Variants in CCNH observed in about 807,000 individuals in gnomAD.
CCNH encodes the protein cyclin-H.
Under a neutral mutation model 41.9 loss-of-function variants are expected in CCNH, and 31 were observed. That is an observed-to-expected ratio of 0.74 (90% confidence interval 0.56 to 1.00). The LOEUF (loss-of-function observed/expected upper bound fraction) is 1.00. Among genes scored for constraint, CCNH ranks in the 50% least tolerant of loss-of-function variants. CCNH has a pLI of 0.00. For synonymous variants in CCNH, 138 were observed against 136.1 expected (o/e 1.01, Z -0.10); for missense variants, 362 against 388.4 (o/e 0.93, Z 0.57).
intron 9 of CCNH, among the ~76,000 whole-genome samples, chr5:87,367,996 T>C (rs1760652065): frequency 6.6e-6 from 1 of 152,092 alleles, no homozygotes; most frequent in African/African-American, 2.4e-5. Flanking sequence ...TATCCTTAGG[T>C]TTGTAGTGCT....
chr5:87,336,626 A>T (rs761723565), intron 9 of CCNH, among the ~76,000 whole-genome samples: 3 of 152,136 alleles, frequency 2.0e-5, no homozygotes, highest in Non-Finnish European at 4.4e-5. Context: ...TTTTTGCACC[A>T]TGAAAAGTTG....
rs1020185766 is a variant in CCNH, at chr5:87,331,649, TAG to T, written c.*91-12754_*91-12753del. ...CAGTCAAATGATTTAATCAGTGATT[TAG>T]AGAGATTCTTTTGAATGTTTACATT... On this transcript the variant is annotated intron_variant and NMD_transcript_variant, in intron 9 of 9. Coordinates refer to the CCNH transcript ENST00000645953. The T allele has an allele frequency of 4.2e-6, 4 of 944,904 alleles. No homozygotes were observed. The African/African-American group carries it at 6.7e-5, about 16-fold the overall frequency. 58.5% of individuals were successfully genotyped at this position (944,904 alleles called of 1,614,324 possible).
At chr5:87,361,398 A>G (rs893932737) in intron 9 of CCNH, among the ~76,000 whole-genome samples, 2 of 152,208 alleles carry the variant, frequency 1.3e-5, no homozygotes, top group Non-Finnish European at 2.9e-5. Context: ...AAACAGCATA[A>G]TGTTTCAAGA....
chr5:87,372,107 T>G (rs778350337), downstream of CCNH: 1 of 1,612,354 alleles, frequency 6.2e-7, no homozygotes, highest in Admixed American at 1.7e-5. Flanking sequence ...AAGTGCTGTT[T>G]TTCTTTGCAG....
chr5:87,379,617 TAC>T (rs1761565495), upstream of CCNH: 2 of 1,373,688 alleles, frequency 1.5e-6, no homozygotes, highest in Admixed American at 2.5e-5. Flanking sequence ...AAAAGATCAA[TAC>T]ACACAGAGAT....
At chr5:87,354,015 A>T (rs1759470888) in intron 9 of CCNH, among the ~76,000 whole-genome samples, 1 of 152,086 alleles carries the variant, frequency 6.6e-6, no homozygotes, top group Non-Finnish European at 1.5e-5. Flanking sequence ...AGGATTATTA[A>T]GGGTTTTGGG....
At chr5:87,311,875 G>A in the CCNH span, among the ~76,000 whole-genome samples, 10 of 152,298 alleles carry the variant, frequency 6.6e-5, no homozygotes, top group South Asian at 4.1e-4. Context: ...GTAAACAAAG[G>A]CACTCTTATT....
At chr5:87,321,299 A>G (rs1208133892) in intron 9 of CCNH, among the ~76,000 whole-genome samples, 1 of 152,226 alleles carries the variant, frequency 6.6e-6, no homozygotes, top group Non-Finnish European at 1.5e-5. Flanking sequence ...CCAAATGCAC[A>G]GTATTTCTCC....
At chr5:87,384,125 T>C (rs1761913004) in intron 9 of CCNH, among the ~76,000 whole-genome samples, 1 of 152,202 alleles carries the variant, frequency 6.6e-6, no homozygotes, top group African/African-American at 2.4e-5. Flanking sequence ...AGCCCATTGC[T>C]AGACTGCTGC....
intron 3 of CCNH, chr5:87,408,957 A>C (rs932983818): frequency 5.1e-5 from 9 of 176,710 alleles, no homozygotes; most frequent in Non-Finnish European, 1.1e-4. Flanking sequence ...TGGATGTGGG[A>C]GGGGCCACTA....
chr5:87,340,970 T>G (rs935715837), intron 9 of CCNH, among the ~76,000 whole-genome samples: 1 of 151,926 alleles, frequency 6.6e-6, no homozygotes, highest in African/African-American at 2.4e-5. Context: ...GTTTTTTTTT[T>G]GTTTGGTTTT....
chr5:87,410,643 CT>C (rs1401125612), intron 2 of CCNH, among the ~76,000 whole-genome samples: 1 of 152,090 alleles, frequency 6.6e-6, no homozygotes, highest in Non-Finnish European at 1.5e-5. Context: ...CCCACTCTAC[CT>C]TTTTTATCTT....
downstream of CCNH, among the ~76,000 whole-genome samples, chr5:87,318,038 C>T (rs1445386395): frequency 6.6e-6 from 1 of 151,868 alleles, no homozygotes; most frequent in African/African-American, 2.4e-5. Flanking sequence ...AAACAGTTTT[C>T]TAAAGGATAT....
In CCNH at chr5:87,363,617, C is replaced by G. The variant is rs544360121; in HGVS notation, c.*90+29153G>C. ...AATCATCTTCTAAAAGTAGCAGATGCACTTTCTAGGTAATTTTTGCCTTCC... is the reference window on the plus strand; with the variant it reads ...AATCATCTTCTAAAAGTAGCAGATGGACTTTCTAGGTAATTTTTGCCTTCC... On this transcript the variant is annotated intron_variant and NMD_transcript_variant, in intron 9 of 9. Coordinates refer to the CCNH transcript ENST00000645953. 57 of 1,210,654 alleles carry G rather than the reference C, an allele frequency of 4.7e-5. No individual in the cohort carries two copies. The East Asian group carries it at 1.3e-3, about 27-fold the overall frequency. 75.0% of individuals were successfully genotyped at this position (1,210,654 alleles called of 1,614,324 possible). A position where few individuals can be genotyped will look rare whatever the true frequency, so the allele number is the denominator to read the frequency against.
intron 9 of CCNH, chr5:87,362,770 G>A (rs986832460): frequency 2.2e-6 from 3 of 1,389,202 alleles, no homozygotes; most frequent in African/African-American, 2.9e-5. Flanking sequence ...TTTGACATGA[G>A]TTATTAGTAA....
intron 9 of CCNH, among the ~76,000 whole-genome samples, chr5:87,341,668 C>G (rs1447378204): frequency 6.6e-6 from 1 of 151,982 alleles, no homozygotes; most frequent in East Asian, 1.9e-4. Context: ...ATAGCCACAT[C>G]TTTTATCCCC....
At chr5:87,374,085 T>TA, downstream of CCNH, 3 of 1,207,070 alleles carry the variant, frequency 2.5e-6, no homozygotes, top group Non-Finnish European at 3.2e-6. Context: ...CTTTGTATCT[T>TA]AGAGTAATTG....
intron 7 of CCNH, among the ~76,000 whole-genome samples, chr5:87,398,121 C>T (rs992154498): frequency 2.0e-5 from 3 of 152,182 alleles, no homozygotes; most frequent in Non-Finnish European, 2.9e-5. Flanking sequence ...TTCCTGTTAC[C>T]ACTGAAACCG....
chr5:87,380,775 C>T (rs1038804539), upstream of CCNH, among the ~76,000 whole-genome samples: 1 of 152,106 alleles, frequency 6.6e-6, no homozygotes, highest in Non-Finnish European at 1.5e-5. Flanking sequence ...ATTTAGCTGC[C>T]GTTTGCATTT....
Sources: gnomAD v4.1 joint callset for allele counts (sites outside exome capture counted in the v4.1 genomes callset) on GRCh38, gnomAD v4.1.1 for gene constraint, MANE v1.5 for transcripts, NCBI Gene and HGNC (gene_info 2026-07-23, HGNC 2026-07-21) for gene names.